SDK1: variants seen among roughly 807,000 people sequenced by gnomAD.
SDK1 encodes the protein protein sidekick-1.
Under a neutral mutation model 245.5 loss-of-function variants are expected in SDK1, and 157 were observed. The observed-to-expected ratio is 0.64, with a 90% CI of 0.56 to 0.73. The LOEUF is 0.73. Ranked by LOEUF, SDK1 falls within the 30% of genes least tolerant of loss-of-function variation. The probability of loss-of-function intolerance (pLI) is 0.00; values close to 1 mark genes in which losing one functional copy is unlikely to be tolerated. For missense variants in SDK1, 3,583 were observed against 3,002.3 expected (o/e 1.19, Z -4.52); for synonymous variants, 1,647 against 1,278.5 (o/e 1.29, Z -6.15).
intron 4 of SDK1, among the ~76,000 whole-genome samples, chr7:3,730,014 G>A (rs566548862): frequency 6.6e-6 from 1 of 152,052 alleles, no homozygotes; most frequent in East Asian, 1.9e-4. Context: ...ATATATGTGT[G>A]TGAGAGACCC....
At chr7:3,879,590 G>C (rs559782688) in intron 5 of SDK1, among the ~76,000 whole-genome samples, 13 of 152,290 alleles carry the variant, frequency 8.5e-5, no homozygotes, top group Admixed American at 5.9e-4. Flanking sequence ...CCACGCTCCC[G>C]GTACTCAGCC....
intron 43 of SDK1, among the ~76,000 whole-genome samples, chr7:4,243,124 C>G (rs750667658): frequency 6.6e-6 from 1 of 152,204 alleles, no homozygotes; most frequent in African/African-American, 2.4e-5. Flanking sequence ...GAACTTGTCA[C>G]AGAGAATTTT....
intron 2 of SDK1, among the ~76,000 whole-genome samples, chr7:3,625,784 C>A (rs953433987): frequency 6.6e-6 from 1 of 151,410 alleles, no homozygotes; most frequent in African/African-American, 2.5e-5. Flanking sequence ...CCAGAGAATC[C>A]CCAGGACAGG....
chr7:4,197,411 C>G (rs1783648352), intron 35 of SDK1, among the ~76,000 whole-genome samples: 1 of 152,072 alleles, frequency 6.6e-6, no homozygotes, highest in Non-Finnish European at 1.5e-5. Context: ...TCGCTTGAGC[C>G]CAGAAGGTTG....
At chr7:4,237,825 C>G in intron 42 of SDK1, 41 bp downstream of exon 42, 9 of 1,610,932 alleles carry the variant, frequency 5.6e-6, no homozygotes, top group Non-Finnish European at 7.6e-6. Context: ...CACGATGCCA[C>G]TCAGCCAAAA....
intron 1 of SDK1, among the ~76,000 whole-genome samples, chr7:3,400,793 C>T (rs1345043246): frequency 6.6e-6 from 1 of 152,154 alleles, no homozygotes; most frequent in Non-Finnish European, 1.5e-5. Flanking sequence ...TGTTTGCCTT[C>T]ATGTTAACAC....
chr7:3,863,082 C>A (rs1008608200), intron 5 of SDK1, among the ~76,000 whole-genome samples: 1 of 152,184 alleles, frequency 6.6e-6, no homozygotes, highest in South Asian at 2.1e-4. Flanking sequence ...AGGGTGGGGA[C>A]CCCTGCCTTA....
intron 32 of SDK1, among the ~76,000 whole-genome samples, chr7:4,167,763 G>A (rs1222568229): frequency 6.6e-6 from 1 of 152,264 alleles, no homozygotes; most frequent in Non-Finnish European, 1.5e-5. Flanking sequence ...GGGGACACGG[G>A]TCTGTGGTGC....
intron 5 of SDK1, among the ~76,000 whole-genome samples, chr7:3,834,339 C>T (rs374074513): frequency 1.6e-3 from 241 of 152,312 alleles, no homozygotes; most frequent in African/African-American, 5.4e-3. Flanking sequence ...CCTGAGCTCA[C>T]TTTTGCCAGG....
intron 7 of SDK1, among the ~76,000 whole-genome samples, chr7:3,953,168 A>AG (rs1780968779): frequency 7.4e-6 from 1 of 135,134 alleles, no homozygotes; most frequent in African/African-American, 2.6e-5. Context: ...TTGCAAAATA[A>AG]GGAAAAAAAA....
At chr7:3,969,546 A>AT (rs1782325828) in intron 11 of SDK1, 122 bp downstream of exon 11, 3 of 637,528 alleles carry the variant, frequency 4.7e-6, no homozygotes, top group South Asian at 1.1e-4. Flanking sequence ...GAGAATGATT[A>AT]TTTTTACAAC....
chr7:3,522,407 C>G (rs1241044973), intron 1 of SDK1, among the ~76,000 whole-genome samples: 1 of 152,222 alleles, frequency 6.6e-6, no homozygotes, highest in African/African-American at 2.4e-5. Flanking sequence ...TGCCCAATCA[C>G]TGTGGCTACT....
chr7:3,869,578 C>T (rs142428909), intron 5 of SDK1, among the ~76,000 whole-genome samples: 4 of 152,334 alleles, frequency 2.6e-5, no homozygotes, highest in South Asian at 2.1e-4. Flanking sequence ...CAGCCCGCTG[C>T]GTCCTCTTCC....
chr7:3,673,693 T>C (rs1325183710), intron 4 of SDK1, among the ~76,000 whole-genome samples: 1 of 152,198 alleles, frequency 6.6e-6, no homozygotes, highest in Non-Finnish European at 1.5e-5. Context: ...AGCTCAGTCA[T>C]TGACCTGGAG....
intron 1 of SDK1, among the ~76,000 whole-genome samples, chr7:3,316,659 A>G (rs143346777): frequency 6.6e-6 from 1 of 152,302 alleles, no homozygotes; most frequent in African/African-American, 2.4e-5. Context: ...TAGTAGATGT[A>G]CACAGCAGGG....
chr7:4,104,596 T>C (rs1345861406), intron 22 of SDK1, among the ~76,000 whole-genome samples: 6 of 152,242 alleles, frequency 3.9e-5, no homozygotes, highest in Non-Finnish European at 8.8e-5. Context: ...CTTTGACATA[T>C]ATTCCCCTCC....
intron 12 of SDK1, among the ~76,000 whole-genome samples, 172 bp from the exon 13 acceptor site, chr7:3,974,197 A>AG (rs1453210165): frequency 5.3e-5 from 8 of 151,742 alleles, no homozygotes; most frequent in South Asian, 2.1e-4. Context: ...AAAAAAAAAA[A>AG]AAAGAAAGAA....
chr7:3,584,781 T>C (rs1183853897), intron 1 of SDK1, among the ~76,000 whole-genome samples: 1 of 151,488 alleles, frequency 6.6e-6, no homozygotes, highest in Non-Finnish European at 1.5e-5. Context: ...TGGAGTGCAG[T>C]GGCGCGATCT....
intron 1 of SDK1, among the ~76,000 whole-genome samples, chr7:3,507,991 CTT>C (rs1365601873): frequency 6.6e-6 from 1 of 152,142 alleles, no homozygotes; most frequent in Admixed American, 6.6e-5. Flanking sequence ...CTGGAATCCT[CTT>C]TTCCCTTACT....
Sources: allele counts gnomAD v4.1 joint callset (sites outside exome capture counted in the v4.1 genomes callset), GRCh38; gene constraint gnomAD v4.1.1; transcripts MANE v1.5; gene names NCBI Gene and HGNC (gene_info 2026-07-23, HGNC 2026-07-21).